XYLT1: variants seen among roughly 807,000 people sequenced by gnomAD.
The protein encoded by XYLT1 is beta-D-xylosyltransferase 1.
A neutral mutation model predicts 91.3 loss-of-function variants in XYLT1; 36 were observed. The observed-to-expected ratio is 0.39, with a 90% CI of 0.30 to 0.52. XYLT1 has a LOEUF of 0.52. Among genes scored for constraint, XYLT1 ranks in the 20% least tolerant of loss-of-function variants. XYLT1 has a pLI of 0.68. For missense variants in XYLT1, 1,242 were observed against 1,284.5 expected, an observed-to-expected ratio of 0.97 and a Z score of 0.51; for synonymous variants, 588 against 532.0, an observed-to-expected ratio of 1.11 and a Z score of -1.45.
intron 6 of XYLT1, among the ~76,000 whole-genome samples, chr16:17,150,811 A>T (rs2031263998): frequency 6.6e-6 from 1 of 152,190 alleles, no homozygotes; most frequent in African/African-American, 2.4e-5. Flanking sequence ...AAATAAAGAG[A>T]CAGGGACTTA....
Position 17,254,996 on chromosome 16 carries a change from CTT to C in XYLT1, c.913+3990_913+3991del, listed in dbSNP as rs34553607. 7.8e-4 allele frequency among the ~76,000 whole-genome samples: 88 copies of C among 113,324 alleles called. No individual in the cohort carries two copies. The Middle Eastern group carries it at 0.015, about 19-fold the overall frequency. The allele number at this position is 113,324 out of a possible 152,430, so 74.3% of individuals were successfully genotyped here. On this transcript the variant is annotated intron_variant, in intron 3 of 11. Coordinates refer to ENST00000261381, the MANE Select transcript of XYLT1 (RefSeq NM_022166.4). ...CTTTCTTTTTCCTTTTTTTCTTTTT[CTT>C]TTTTTTTTTTTTTTTTGAGATGGAG...
chr16:17,333,585 TA>T (rs2034934122), intron 2 of XYLT1, among the ~76,000 whole-genome samples: 2 of 127,854 alleles, frequency 1.6e-5, no homozygotes, highest in Non-Finnish European at 3.2e-5. Context: ...TTAATTAATT[TA>T]ATTTATTTTT....
At chr16:17,326,616 G>A (rs1346592357) in intron 2 of XYLT1, among the ~76,000 whole-genome samples, 2 of 151,988 alleles carry the variant, frequency 1.3e-5, no homozygotes. Flanking sequence ...AAGGTCAGGA[G>A]ATCGAGACCA....
chr16:17,195,876 TG>T (rs2032417727), intron 5 of XYLT1, among the ~76,000 whole-genome samples: 1 of 152,254 alleles, frequency 6.6e-6, no homozygotes. Flanking sequence ...GCATCACTTT[TG>T]TTCACAAAAT....
chr16:17,178,255 G>A (rs1267465554), intron 5 of XYLT1, among the ~76,000 whole-genome samples: 15 of 152,102 alleles, frequency 9.9e-5, no homozygotes, highest in Non-Finnish European at 2.9e-5. Context: ...AATGGCACAC[G>A]AAGTAGGTTA....
At chr16:17,278,165 C>T (rs891903797) in intron 2 of XYLT1, among the ~76,000 whole-genome samples, 1 of 152,146 alleles carries the variant, frequency 6.6e-6, no homozygotes, top group Non-Finnish European at 1.5e-5. Flanking sequence ...ACCAGCCAGC[C>T]GTGCCCAGAC....
intron 1 of XYLT1, among the ~76,000 whole-genome samples, chr16:17,412,584 G>A (rs990428789): frequency 1.4e-5 from 2 of 147,670 alleles, no homozygotes; most frequent in African/African-American, 5.0e-5. Context: ...GCATTTGGGG[G>A]TGTGGGGGTG....
At chr16:17,399,421 C>A (rs977082188) in intron 1 of XYLT1, among the ~76,000 whole-genome samples, 4 of 152,160 alleles carry the variant, frequency 2.6e-5, no homozygotes, top group Admixed American at 6.5e-5. Flanking sequence ...GCACTGAGAG[C>A]AGGAGGGAAG....
At chr16:17,365,761 C>T (rs1460349347) in intron 1 of XYLT1, among the ~76,000 whole-genome samples, 1 of 152,118 alleles carries the variant, frequency 6.6e-6, no homozygotes, top group East Asian at 1.9e-4. Context: ...TCACCCACAG[C>T]CTTGGAAGAT....
chr16:17,458,880 A>T (rs1454974401), intron 1 of XYLT1, among the ~76,000 whole-genome samples: 2 of 152,126 alleles, frequency 1.3e-5, no homozygotes, highest in Non-Finnish European at 2.9e-5. Context: ...TTAAAGAAAT[A>T]TACAGCGATT....
chr16:17,432,633 T>C (rs1213270828), intron 1 of XYLT1, among the ~76,000 whole-genome samples: 1 of 152,202 alleles, frequency 6.6e-6, no homozygotes, highest in Non-Finnish European at 1.5e-5. Context: ...AATTATTGCA[T>C]AGAACCCTTG....
At chr16:17,320,282 A>G (rs1026426397) in intron 2 of XYLT1, among the ~76,000 whole-genome samples, 1 of 152,184 alleles carries the variant, frequency 6.6e-6, no homozygotes, top group Non-Finnish European at 1.5e-5. Flanking sequence ...CAGGTGCTCA[A>G]TAAAGGCTTG....
At chr16:17,413,183 C>T (rs545714041) in intron 1 of XYLT1, among the ~76,000 whole-genome samples, 159 of 152,226 alleles carry the variant, frequency 1.0e-3, no homozygotes, top group African/African-American at 3.6e-3. Flanking sequence ...TTTGTGCCCC[C>T]GGGACCTGGT....
intron 10 of XYLT1, among the ~76,000 whole-genome samples, chr16:17,125,825 G>A (rs1429333290): frequency 6.6e-6 from 1 of 152,202 alleles, no homozygotes; most frequent in African/African-American, 2.4e-5. Flanking sequence ...TGGTTTGTTT[G>A]GTTCACCACA....
chr16:17,312,450 A>G lies in XYLT1; in HGVS notation c.402+45562T>C, dbSNP rs963739602. Among the ~76,000 whole-genome samples the G allele has an allele frequency of 1.3e-5, 2 of 152,110 alleles. No individual in the cohort carries two copies. Among genetic ancestry groups the G allele is most frequent in the African/African-American group, 2.4e-5 (1 of 41,406 alleles). ...GTCTCAGGGCCTTACCCGCATTAAC[A>G]TGTTTTTCTTTCTAACTTAAAAAAA... On this transcript the variant is annotated intron_variant, in intron 2 of 11. Coordinates refer to ENST00000261381, the MANE Select transcript of XYLT1 (RefSeq NM_022166.4). This position sits in a 1 kb window ranked among gnomAD's most constrained non-coding sequence, Gnocchi z 4.4.
chr16:17,264,146 T>C (rs1425145317), intron 2 of XYLT1, among the ~76,000 whole-genome samples: 4 of 152,242 alleles, frequency 2.6e-5, no homozygotes, highest in Non-Finnish European at 5.9e-5. Flanking sequence ...GCTATAGTAC[T>C]GCACAGCAGG....
chr16:17,387,571 C>T (rs1174371144), intron 1 of XYLT1, among the ~76,000 whole-genome samples: 3 of 152,124 alleles, frequency 2.0e-5, no homozygotes, highest in South Asian at 2.1e-4. Context: ...ATTCTCCTGC[C>T]CAAAGACCTG....
rs149428198 is a variant in XYLT1, at chr16:17,200,672, G to T, written c.914-18C>A. On this transcript the variant is annotated intron_variant, in intron 3 of 11. Transcript: ENST00000261381. The stretch of plus-strand genomic sequence containing the variant: ...GGCTTTACCTGGGGAAAATCCAAGA[G>T]AACAGAGAGGAGAAAGTGAGGCTCT... The T allele has an allele frequency of 1.0e-5, 16 of 1,604,270 alleles. No homozygotes were observed. The highest frequency in any genetic ancestry group is 2.2e-5 in the East Asian group (1 of 44,614).
chr16:17,358,844 C>T (rs2035342189), intron 1 of XYLT1, among the ~76,000 whole-genome samples: 1 of 152,138 alleles, frequency 6.6e-6, no homozygotes, highest in African/African-American at 2.4e-5. Flanking sequence ...TGAGAGCGAG[C>T]AGCTTAATTT....
Sources: allele counts gnomAD v4.1 joint callset (sites outside exome capture counted in the v4.1 genomes callset), GRCh38; gene constraint gnomAD v4.1.1; non-coding constraint Gnocchi (gnomAD v3.1); transcripts MANE v1.5; gene names NCBI Gene and HGNC (gene_info 2026-07-23, HGNC 2026-07-21).